The following PPP2R2D variants were observed in gnomAD, a reference collection of about 807,000 sequenced individuals.
PPP2R2D encodes the protein serine/threonine-protein phosphatase 2A 55 kDa regulatory subunit B delta isoform.
PPP2R2D carries 9 observed loss-of-function variants against 31.1 expected under a neutral mutation model. The ratio of observed to expected loss-of-function variants is 0.29; its 90% CI spans 0.17 to 0.51. The LOEUF (loss-of-function observed/expected upper bound fraction) is 0.51, where lower values mean the gene tolerates loss of function less well. Ranked by LOEUF, PPP2R2D falls within the 20% of genes least tolerant of loss-of-function variation. The pLI is 0.98. For missense variants in PPP2R2D, 391 were observed against 465.6 expected, an observed-to-expected ratio of 0.84 and a Z score of 1.48; for synonymous variants, 179 against 172.6, an observed-to-expected ratio of 1.04 and a Z score of -0.29.
rs1229531944 is a variant in PPP2R2D at position 131,901,020 on chromosome 10, CCGGCGGCGGCGG to C, written c.-114_-103del. 56 of 154,102 alleles carry C rather than the reference CCGGCGGCGGCGG, an allele frequency of 3.6e-4. No homozygotes were observed. Among genetic ancestry groups the C allele is most frequent in the East Asian group, 1.8e-3 (9 of 4,948 alleles). The allele number at this position is 154,102 out of a possible 1,614,324, so 9.5% of individuals were successfully genotyped here. A position where few individuals can be genotyped will look rare whatever the true frequency, so the allele number is the denominator to read the frequency against. On this transcript the variant is annotated 5_prime_UTR_variant, in exon 1 of 9. Coordinates refer to ENST00000455566, the MANE Select transcript of PPP2R2D (RefSeq NM_018461.5). ...TTTGAAAAGGGAAAAAAATCCCTCCCCGGCGGCGGCGGCGGCGGCGGCGGCGCCGGCGGTGGT... is the reference window on the plus strand; with the variant it reads ...TTTGAAAAGGGAAAAAAATCCCTCCCCGGCGGCGGCGGCGCCGGCGGTGGT...
chr10:131,965,244 A>G, the PPP2R2D span, among the ~76,000 whole-genome samples: 2 of 152,102 alleles, frequency 1.3e-5, no homozygotes, highest in African/African-American at 2.4e-5. Context: ...CTACTGAGCA[A>G]TGTGGCTTCT....
rs542174573 is a variant in PPP2R2D at position 131,930,615 on chromosome 10, T to C, written c.101-3843T>C. Among the ~76,000 whole-genome samples the C allele has an allele frequency of 7.2e-5, 11 of 152,380 alleles. No homozygotes were observed. In the South Asian group the frequency reaches 1.2e-3, roughly 17 times the overall value. On this transcript the variant is annotated intron_variant, in intron 2 of 8. Coordinates refer to ENST00000455566, the MANE Select transcript of PPP2R2D (RefSeq NM_018461.5). ...GGGTAGTTTGAGGTTTCATCCACCA[T>C]GTTTCCTGCAACCTGTGTGATGCCA...
intron 2 of PPP2R2D, among the ~76,000 whole-genome samples, chr10:131,927,695 C>A (rs1215701972): frequency 6.6e-6 from 1 of 152,184 alleles, no homozygotes; most frequent in Non-Finnish European, 1.5e-5. Context: ...TCGGACACCC[C>A]GTTCTTGAAT....
chr10:131,909,400 G>A (rs2035647506), intron 2 of PPP2R2D, among the ~76,000 whole-genome samples: 1 of 147,518 alleles, frequency 6.8e-6, no homozygotes, highest in South Asian at 2.2e-4. Flanking sequence ...GGGTAAGAAT[G>A]GAGATAGGAA....
intron 2 of PPP2R2D, among the ~76,000 whole-genome samples, chr10:131,929,341 G>A (rs554820795): frequency 2.6e-5 from 4 of 152,174 alleles, no homozygotes; most frequent in African/African-American, 9.7e-5. Context: ...TTAGTGTTTC[G>A]TTCACTAAAG....
chr10:131,966,450 A>T, the PPP2R2D span: 1 of 152,278 alleles, frequency 6.6e-6, no homozygotes, highest in Non-Finnish European at 1.5e-5. Context: ...AGATACGCAC[A>T]CACATCAAAC....
the PPP2R2D span, chr10:131,970,662 G>C: frequency 6.2e-7 from 1 of 1,614,156 alleles, no homozygotes; most frequent in Non-Finnish European, 8.5e-7. This position sits in a 1 kb window ranked among gnomAD's most constrained non-coding sequence, Gnocchi z 4.1. Flanking sequence ...CAGCAAATGA[G>C]AGAGCAGCAG....
Position 131,934,543 on chromosome 10 carries a change from G to A in PPP2R2D, c.186G>A (p.Gln62=), listed in dbSNP as rs2036304160. 1.3e-6 allele frequency: 1 copy of A among 779,746 alleles called. No homozygotes were observed. Among genetic ancestry groups the A allele is most frequent in the Non-Finnish European group, 2.4e-6 (1 of 417,734 alleles). 48.3% of individuals were successfully genotyped at this position (779,746 alleles called of 1,614,324 possible). The stretch of plus-strand genomic sequence containing the variant: ...AGGGCGGCAGAGTTGTTATTTTTCA[G>A]CGTGAACAAGAGGTCAGTAATTTTC... ...GDKGGRVVIF[Q]REQENKSRPH... is the part of the protein sequence containing the mutation. Residue 62 remains glutamine (Q), a synonymous_variant, in exon 3 of 9, where the codon CAG becomes CAA. Coordinates refer to ENST00000455566, the MANE Select transcript of PPP2R2D (RefSeq NM_018461.5).
intron 2 of PPP2R2D, among the ~76,000 whole-genome samples, chr10:131,930,730 C>T (rs1554895568): frequency 2.6e-5 from 4 of 152,298 alleles, no homozygotes; most frequent in Non-Finnish European, 4.4e-5. Flanking sequence ...GAGATGTGCG[C>T]GGCCTGGGTC....
At chr10:131,915,559 C>T (rs1300522966) in intron 2 of PPP2R2D, among the ~76,000 whole-genome samples, 1 of 152,216 alleles carries the variant, frequency 6.6e-6, no homozygotes, top group Non-Finnish European at 1.5e-5. Context: ...GCCCGCACTC[C>T]TTCCTCACTG....
At chr10:131,932,268 A>G (rs1295067563) in intron 2 of PPP2R2D, among the ~76,000 whole-genome samples, 1 of 152,064 alleles carries the variant, frequency 6.6e-6, no homozygotes, top group Non-Finnish European at 1.5e-5. Flanking sequence ...AAGAGACCCG[A>G]TGTCTCCATG....
the PPP2R2D span, among the ~76,000 whole-genome samples, chr10:131,965,594 G>T: frequency 6.6e-6 from 1 of 152,126 alleles, no homozygotes; most frequent in Non-Finnish European, 1.5e-5. Context: ...CTACAGGTAC[G>T]CCACCACACC....
intron 5 of PPP2R2D, among the ~76,000 whole-genome samples, chr10:131,943,402 ATGTT>A (rs2036476016): frequency 6.6e-6 from 1 of 152,138 alleles, no homozygotes; most frequent in Admixed American, 6.5e-5. Context: ...AGCTCCATGA[ATGTT>A]TGTAGGGTGC....
intron 2 of PPP2R2D, among the ~76,000 whole-genome samples, chr10:131,917,273 AATGACACAGTGTTTGTAGGGACCTCAGGC>A (rs2035821730): frequency 9.6e-6 from 1 of 104,504 alleles, no homozygotes; most frequent in African/African-American, 3.8e-5. Flanking sequence ...AGGCGGGTGG[AATGACACAGTGTTTGTAGGGACCTCAGGC>A]AGGTGGAATG....
intron 2 of PPP2R2D, 146 bp from the exon 3 acceptor site, chr10:131,934,312 T>C: frequency 1.7e-6 from 1 of 589,436 alleles, no homozygotes; most frequent in African/African-American, 1.9e-5. Flanking sequence ...ACTTGGTAAT[T>C]ACAAGTTTGC....
At chr10:131,952,136 CGG>C (rs71009988) in intron 8 of PPP2R2D, among the ~76,000 whole-genome samples, 50 of 44,184 alleles carry the variant, frequency 1.1e-3, no homozygotes, top group Admixed American at 1.7e-3. Flanking sequence ...TGCGGGTGTG[CGG>C]GGGGGTTCAC....
chr10:131,947,594 C>T lies in PPP2R2D; in HGVS notation c.885C>T (p.Ser295=), dbSNP rs782617346. 31 of 1,614,040 alleles carry T rather than the reference C, an allele frequency of 1.9e-5. No homozygotes were observed. In the South Asian group the frequency reaches 2.1e-4, roughly 11 times the overall value. ...SFFSEIISSI[S]DVKFSHSGRY... is the part of the protein sequence containing the mutation. The stretch of plus-strand genomic sequence containing the variant: ...TCTCAGAAATAATTTCATCCATATC[C>T]GATGTAAAATTCAGTCATAGTGGGC... The change falls in exon 8 of 9, where the codon TCC becomes TCT. Residue 295 remains serine (S), a synonymous_variant. Coordinates refer to ENST00000455566, the MANE Select transcript of PPP2R2D (RefSeq NM_018461.5). The surrounding 1 kb of genome is among the most constrained non-coding windows in gnomAD (Gnocchi z 4.3).
rs1368560254 is a variant in PPP2R2D at position 131,945,528 on chromosome 10, C to G, written c.820+69C>G. The G allele has an allele frequency of 6.6e-7, 1 of 1,509,334 alleles. No homozygotes were observed. The highest frequency in any genetic ancestry group is 1.4e-5 in the African/African-American group (1 of 72,448). The allele number at this position is 1,509,334 out of a possible 1,614,324, so 93.5% of individuals were successfully genotyped here. ...AGGCTGCGGTGCAGTGACACAGTCT[C>G]GGCTCACGGCAAGCTCCGCCTCCCG... On this transcript the variant is annotated intron_variant, in intron 7 of 8. Coordinates refer to ENST00000455566, the MANE Select transcript of PPP2R2D (RefSeq NM_018461.5). This position sits in a 1 kb window ranked among gnomAD's most constrained non-coding sequence, Gnocchi z 4.8.
chr10:131,943,700 A>G (rs1282410585), intron 5 of PPP2R2D, among the ~76,000 whole-genome samples: 2 of 152,342 alleles, frequency 1.3e-5, no homozygotes, highest in African/African-American at 4.8e-5. Flanking sequence ...GTGCCTGGGC[A>G]GTTTGTTACC....
Sources: allele counts gnomAD v4.1 joint callset (sites outside exome capture counted in the v4.1 genomes callset), GRCh38; gene constraint gnomAD v4.1.1; non-coding constraint Gnocchi (gnomAD v3.1); transcripts MANE v1.5; gene names NCBI Gene and HGNC (gene_info 2026-07-23, HGNC 2026-07-21).